BCAR1: variants seen among roughly 807,000 people sequenced by gnomAD.
BCAR1 encodes the protein BCAR1 scaffold protein, Cas family member.
BCAR1 carries 30 observed loss-of-function variants against 67.6 expected under a neutral mutation model. The observed-to-expected ratio is 0.44, with a 90% confidence interval of 0.33 to 0.60. The LOEUF (loss-of-function observed/expected upper bound fraction) is 0.60. Among genes scored for constraint, BCAR1 ranks in the 20% least tolerant of loss-of-function variants. BCAR1 has a pLI of 0.02. For synonymous variants in BCAR1, 626 were observed against 556.7 expected (o/e 1.12, Z -1.75); for missense variants, 1,313 against 1,222.3 (o/e 1.07, Z -1.11).
intron 6 of BCAR1, among the ~76,000 whole-genome samples, chr16:75,232,469 A>G (rs1242399171): frequency 6.6e-6 from 1 of 152,116 alleles, no homozygotes; most frequent in African/African-American, 2.4e-5. Context: ...CACAATTTGT[A>G]TTAATGTATA....
chr16:75,264,361 G>A, intron 1 of BCAR1: 1 of 1,525,272 alleles, frequency 6.6e-7, no homozygotes, highest in Non-Finnish European at 8.8e-7. Context: ...CGGCCCTCCA[G>A]CAGGCTCAGG....
At chr16:75,252,293 T>G (rs2077698581), upstream of BCAR1, 4 of 1,536,632 alleles carry the variant, frequency 2.6e-6, no homozygotes, top group African/African-American at 5.5e-5. Context: ...CTGATCTGCC[T>G]CCTCTCATTA....
chr16:75,263,803 G>A (rs764988328), intron 1 of BCAR1: 21 of 987,870 alleles, frequency 2.1e-5, no homozygotes, highest in Non-Finnish European at 2.4e-5. Context: ...GGCAGGGCTT[G>A]AGCAGGCAGC....
At position 75,229,510 on chromosome 16, in the gene BCAR1, C is replaced by T. The variant is rs776611127; in HGVS notation, c.*1G>A. 1.9e-5 allele frequency: 30 copies of T among 1,561,568 alleles called. No individual in the cohort carries two copies. Among genetic ancestry groups the T allele is most frequent in the Admixed American group, 1.1e-4 (6 of 56,638 alleles). On this transcript the variant is annotated 3_prime_UTR_variant, in exon 7 of 7. Coordinates refer to ENST00000162330, the MANE Select transcript of BCAR1 (RefSeq NM_014567.5). ...CTGCCTCCCTCCTGGGGTCACCACC[C>T]TCAGGCGGCTGCCAGCTGGCCTAGG... is the stretch of plus-strand genomic sequence containing the variant.
intron 1 of BCAR1, chr16:75,266,887 G>T: frequency 1.1e-6 from 1 of 935,530 alleles, no homozygotes; most frequent in Non-Finnish European, 1.4e-6. Context: ...GCCGCAGCCC[G>T]GGCTCATGGC....
intron 2 of BCAR1, among the ~76,000 whole-genome samples, chr16:75,241,629 T>C (rs1251727309): frequency 6.6e-6 from 1 of 152,210 alleles, no homozygotes; most frequent in Non-Finnish European, 1.5e-5. Context: ...TGGTGGCCCA[T>C]GTCCATGGAG....
chr16:75,249,194 C>G (rs1257956788), intron 1 of BCAR1: 1 of 152,364 alleles, frequency 6.6e-6, no homozygotes, highest in African/African-American at 2.4e-5. Flanking sequence ...TGCTTGTGAT[C>G]CGGGGTTTTG....
upstream of BCAR1, among the ~76,000 whole-genome samples, chr16:75,253,944 G>A: frequency 6.6e-6 from 1 of 150,848 alleles, no homozygotes; most frequent in South Asian, 2.1e-4. Flanking sequence ...CAGCAATCCT[G>A]CAAAACAGGC....
chr16:75,250,913 C>T (rs1420878263), intron 1 of BCAR1: 1 of 985,414 alleles, frequency 1.0e-6, no homozygotes, highest in African/African-American at 1.7e-5. Flanking sequence ...CGCTCCGCTC[C>T]CGGAACCCCG....
At position 75,235,830 on chromosome 16, in the gene BCAR1, G is replaced by A; in HGVS notation, c.1069C>T (p.Pro357Ser). The A allele has an allele frequency of 6.3e-7, 1 of 1,577,544 alleles. No homozygotes were observed. The highest frequency in any genetic ancestry group is 8.6e-7 in the Non-Finnish European group (1 of 1,163,130). ...VLAAPPPDSP[P>S]AEDVYDVPPP... The stretch of plus-strand genomic sequence containing the variant: ...GGCACGTCATACACGTCCTCGGCCG[G>A]CGGGGAGTCTGGAGGGGGCGCAGCC... Residue 357 changes from proline to serine, a missense_variant, in exon 5 of 7, where the codon CCG becomes TCG. Around this residue, in one of 2 missense-constraint regions of BCAR1, gnomAD observed 1,272 missense variants for 1,137.5 expected, o/e 1.12. Coordinates refer to ENST00000162330, the MANE Select transcript of BCAR1 (RefSeq NM_014567.5).
intron 1 of BCAR1, among the ~76,000 whole-genome samples, chr16:75,257,580 G>A (rs1658205108): frequency 6.6e-6 from 1 of 152,270 alleles, no homozygotes; most frequent in South Asian, 2.1e-4. Context: ...TCAGCCTCTT[G>A]ACTAGCTGGG....
At chr16:75,254,539 G>A (rs895358769), upstream of BCAR1, among the ~76,000 whole-genome samples, 3 of 152,198 alleles carry the variant, frequency 2.0e-5, no homozygotes, top group Admixed American at 6.5e-5. Context: ...GTTAAGTCAC[G>A]CCTAAGTGCA....
chr16:75,252,510 C>T (rs537113172), upstream of BCAR1: 3 of 1,126,426 alleles, frequency 2.7e-6, no homozygotes, highest in Non-Finnish European at 2.4e-6. Flanking sequence ...GACTGTCACC[C>T]CATGCAGCAG....
At chr16:75,265,893 G>A (rs2077999778) in intron 1 of BCAR1, 2 of 1,133,556 alleles carry the variant, frequency 1.8e-6, no homozygotes, top group South Asian at 4.3e-5. Context: ...TGGGGGCTCG[G>A]GTCCGCCCGC....
chr16:75,254,805 G>A (rs1263384029), upstream of BCAR1, among the ~76,000 whole-genome samples: 4 of 152,124 alleles, frequency 2.6e-5, no homozygotes, highest in Non-Finnish European at 5.9e-5. Context: ...CAACCCCTCA[G>A]GGCCTGGAAT....
Position 75,236,957 on chromosome 16 carries a change from G to C in BCAR1, c.837C>G (p.Gly279=). The change falls in exon 4 of 7, where the codon GGC becomes GGG. Residue 279 remains glycine, a synonymous_variant. Transcript: ENST00000162330. The part of the protein sequence containing the change: ...TPPMAVKGPN[G]RDPLLEVYDV... ...CATACACCTCCAGCAACGGGTCTCG[G>C]CCATTGGGACCCTTGACAGCCATGG... 6.2e-7 allele frequency: 1 copy of C among 1,611,196 alleles called. No individual in the cohort carries two copies. The highest frequency in any genetic ancestry group is 8.5e-7 in the Non-Finnish European group (1 of 1,178,802).
chr16:75,241,085 C>T (rs182015428), intron 2 of BCAR1, among the ~76,000 whole-genome samples: 3 of 152,328 alleles, frequency 2.0e-5, no homozygotes, highest in Admixed American at 6.5e-5. Context: ...TACGCACATA[C>T]ATTTGTACGT....
chr16:75,266,431 G>C (rs1294610569), intron 1 of BCAR1: 1 of 270,952 alleles, frequency 3.7e-6, no homozygotes, highest in African/African-American at 2.2e-5. Context: ...ATCTGACCTG[G>C]CTTCTAGGGA....
chr16:75,229,312 G>A lies in BCAR1; in HGVS notation c.*199C>T, dbSNP rs929275817. ...GGGAAGGCCACTGGCCGGCCCCTGG[G>A]CTTCGGCTCCTGAGGAGGCATGGCC... On this transcript the variant is annotated 3_prime_UTR_variant, in exon 7 of 7. Transcript: ENST00000162330. 6 of 907,470 alleles carry A rather than the reference G, an allele frequency of 6.6e-6. No individual in the cohort carries two copies. Among genetic ancestry groups the A allele is most frequent in the African/African-American group, 1.7e-5 (1 of 59,316 alleles). The allele number at this position is 907,470 out of a possible 1,614,324, so 56.2% of individuals were successfully genotyped here. A position where few individuals can be genotyped will look rare whatever the true frequency, so the allele number is the denominator to read the frequency against.
Sources: allele counts gnomAD v4.1 joint callset (sites outside exome capture counted in the v4.1 genomes callset), GRCh38; gene constraint gnomAD v4.1.1; regional missense constraint gnomAD v4.1.1; transcripts MANE v1.5; gene names NCBI Gene and HGNC (gene_info 2026-07-23, HGNC 2026-07-21).